DHX34: variants seen among roughly 807,000 people sequenced by gnomAD.
DHX34 encodes the protein probable ATP-dependent RNA helicase DHX34.
In DHX34, 96 loss-of-function variants were observed where a neutral mutation model predicts 111.1. The observed-to-expected ratio is 0.86, with a 90% CI of 0.73 to 1.02. The LOEUF (loss-of-function observed/expected upper bound fraction) is 1.02. Ranked by LOEUF, DHX34 falls within the 50% of genes least tolerant of loss-of-function variation. The pLI is 0.00. For synonymous variants in DHX34, 688 were observed against 670.4 expected (o/e 1.03, Z -0.41); for missense variants, 1,560 against 1,579.9 (o/e 0.99, Z 0.21).
intron 14 of DHX34, 39 bp downstream of exon 14, chr19:47,380,024 GA>G: frequency 6.5e-7 from 1 of 1,541,528 alleles, no homozygotes; most frequent in South Asian, 1.2e-5. Flanking sequence ...CCTATGGCCA[GA>G]AGGGGCATCC....
intron 12 of DHX34, 121 bp from the exon 13 acceptor site, chr19:47,376,979 A>G: frequency 6.4e-7 from 1 of 1,557,854 alleles, no homozygotes. Context: ...CCAGGCCACC[A>G]AAGCCATGCC....
In DHX34 at chr19:47,352,940, C is replaced by T; in HGVS notation, c.-91C>T. ...AGAGAAAGTAGTTCTCTATTGCAGG[C>T]ACTGGCCTCTTAAATTGTTGCAGGT... On this transcript the variant is annotated 5_prime_UTR_variant, in exon 2 of 17. Transcript: ENST00000328771. 1.3e-6 allele frequency: 2 copies of T among 1,486,152 alleles called. No individual in the cohort carries two copies. The highest frequency in any genetic ancestry group is 1.8e-6 in the Non-Finnish European group (2 of 1,117,342). The allele number at this position is 1,486,152 out of a possible 1,614,324, so 92.1% of individuals were successfully genotyped here.
At chr19:47,359,721 G>A (rs765048279) in intron 4 of DHX34, 88 of 382,448 alleles carry the variant, frequency 2.3e-4, no homozygotes, top group South Asian at 4.3e-4. Context: ...GGCAGAGGTT[G>A]CAGTGAGCCG....
At chr19:47,358,214 T>C (rs2122234694) in intron 4 of DHX34, 94 bp downstream of exon 4, 1 of 1,491,516 alleles carries the variant, frequency 6.7e-7, no homozygotes. Context: ...AACACAGGGC[T>C]CGGGGGCTGT....
chr19:47,373,616 C>G lies in DHX34; in HGVS notation c.1980C>G (p.Ser660Arg), dbSNP rs1374086488. 4 of 1,613,736 alleles carry G rather than the reference C, an allele frequency of 2.5e-6. No individual in the cohort carries two copies. The Admixed American group carries it at 6.7e-5, about 27-fold the overall frequency. Residue 660 changes from serine to arginine, a missense_variant, in exon 9 of 17, where the codon AGC (serine) becomes AGG (arginine). Physicochemically the swap from Ser to Arg is moderately radical, Grantham distance 110. Coordinates refer to ENST00000328771, the MANE Select transcript of DHX34 (RefSeq NM_014681.6). ...CCACCCAGGTGAAATCTGAACGGAG[C>G]AGAAACTCTCGCAAGTGGTGCCGCC... Reference protein sequence around the residue: ...NAWVQVKSERSRNSRKWCRRR... With the variant: ...NAWVQVKSERRRNSRKWCRRR...
intron 9 of DHX34, among the ~76,000 whole-genome samples, chr19:47,374,000 C>T (rs541827726): frequency 6.6e-6 from 1 of 152,270 alleles, no homozygotes; most frequent in African/African-American, 2.4e-5. Flanking sequence ...TTGGAGGCAG[C>T]CTACGGTTGT....
intron 1 of DHX34, among the ~76,000 whole-genome samples, chr19:47,351,203 G>C (rs1231289651): frequency 1.8e-5 from 2 of 110,562 alleles, no homozygotes; most frequent in Non-Finnish European, 3.4e-5. Flanking sequence ...TTTTGAGACA[G>C]AGTCTCGCTC....
chr19:47,377,231 C>G, intron 13 of DHX34, 25 bp downstream of exon 13: 2 of 1,600,978 alleles, frequency 1.2e-6, no homozygotes, highest in Non-Finnish European at 1.7e-6. Context: ...CACCCCGCCC[C>G]CATGCCCAGA....
rs760192913 is a variant in DHX34 at position 47,376,504 on chromosome 19, G to A, written c.2543G>A (p.Ser848Asn). The A allele has an allele frequency of 6.2e-7, 1 of 1,600,102 alleles. No homozygotes were observed. Among genetic ancestry groups the A allele is most frequent in the African/African-American group, 1.3e-5 (1 of 74,636 alleles). Residue 848 changes from serine (S) to asparagine (N), a missense_variant, in exon 12 of 17, where the codon AGC becomes AAC. Transcript: ENST00000328771. ...VLHPTCVFAG[S>N]PEVLHAQELE... ...CACCCCACCTGCGTCTTCGCTGGCA[G>A]CCCCGAGGTGCTGCACGCACAGGAG...
rs748774016 is a variant in DHX34 at position 47,381,441 on chromosome 19, G to A, written c.3298+117G>A. The A allele has an allele frequency of 1.6e-5, 22 of 1,397,556 alleles. No homozygotes were observed. The Middle Eastern group carries it at 1.7e-3, about 110-fold the overall frequency. The allele number at this position is 1,397,556 out of a possible 1,614,324, so 86.6% of individuals were successfully genotyped here. A position where few individuals can be genotyped will look rare whatever the true frequency, so the allele number is the denominator to read the frequency against. On this transcript the variant is annotated intron_variant, in intron 16 of 16. Transcript: ENST00000328771. ...CTTCGAGGACTGACGACCTCCACCC[G>A]CTGGCCCTGGCTGGTGCCACACACA...
At chr19:47,381,504 A>G in intron 16 of DHX34, 180 bp downstream of exon 16, 1 of 882,618 alleles carries the variant, frequency 1.1e-6, no homozygotes, top group Non-Finnish European at 1.7e-6. Flanking sequence ...AGGCAGGGAG[A>G]GCCTGGAGCG....
rs1599780507 is a variant in DHX34, at chr19:47,380,914, T to C, written c.3081T>C (p.Phe1027=). 6.2e-7 allele frequency: 1 copy of C among 1,612,644 alleles called. No homozygotes were observed. The highest frequency in any genetic ancestry group is 1.3e-5 in the African/African-American group (1 of 74,752). ...IPATPHLPGL[F]GSSTLSPHPT... is the part of the protein sequence containing the mutation. The stretch of plus-strand genomic sequence containing the variant: ...CCACCCCCCATCTTCCTGGCCTCTT[T>C]GGCAGCTCCACCCTGTCCCCCCACC... Residue 1027 remains phenylalanine, a synonymous_variant, in exon 15 of 17, where the codon TTT becomes TTC. Coordinates refer to ENST00000328771, the MANE Select transcript of DHX34 (RefSeq NM_014681.6).
intron 14 of DHX34, 86 bp from the exon 15 acceptor site, chr19:47,380,730 A>C (rs1037479108): frequency 6.4e-7 from 1 of 1,572,946 alleles, no homozygotes; most frequent in African/African-American, 1.4e-5. Flanking sequence ...AGCCCGAGGG[A>C]GGGCTTCAGG....
chr19:47,362,712 G>T lies in DHX34; in HGVS notation c.1593+19G>T. The T allele has an allele frequency of 6.2e-7, 1 of 1,600,332 alleles. No individual in the cohort carries two copies. The highest frequency in any genetic ancestry group is 8.5e-7 in the Non-Finnish European group (1 of 1,174,430). On this transcript the variant is annotated intron_variant, in intron 6 of 16. Transcript: ENST00000328771. The stretch of plus-strand genomic sequence containing the variant: ...GCTGCAGGTGAGGCATGGGCAGAAA[G>T]GGGACTATATCCTAACTGCTGGCAC...
chr19:47,356,653 AAG>A (rs902548725), intron 3 of DHX34, among the ~76,000 whole-genome samples: 3 of 150,656 alleles, frequency 2.0e-5, no homozygotes, highest in Admixed American at 1.3e-4. Flanking sequence ...AAAGAAAAGA[AAG>A]AGAGAGAGAG....
intron 1 of DHX34, among the ~76,000 whole-genome samples, chr19:47,351,179 T>TC (rs1470332612): frequency 8.7e-6 from 1 of 114,604 alleles, no homozygotes; most frequent in Non-Finnish European, 1.8e-5. Flanking sequence ...TTCTTTTTTT[T>TC]TTTTTTTTTT....
At chr19:47,374,447 A>AG (rs1281243825) in intron 9 of DHX34, among the ~76,000 whole-genome samples, 1 of 151,712 alleles carries the variant, frequency 6.6e-6, no homozygotes, top group Non-Finnish European at 1.5e-5. Flanking sequence ...AAAAAAAAAA[A>AG]AAAAAAAAGA....
chr19:47,376,045 C>T lies in DHX34; in HGVS notation c.2429C>T (p.Pro810Leu). 6.3e-7 allele frequency: 1 copy of T among 1,595,380 alleles called. No homozygotes were observed. Among genetic ancestry groups the T allele is most frequent in the Non-Finnish European group, 8.5e-7 (1 of 1,171,210 alleles). Residue 810 changes from proline to leucine, a missense_variant, in exon 11 of 17, where the codon CCA (proline) becomes CTA (leucine). Pro to Leu is a moderately conservative substitution (Grantham distance 98). Coordinates refer to ENST00000328771, the MANE Select transcript of DHX34 (RefSeq NM_014681.6). ...LKLVLGRGLY[P>L]QLAVPDAFNS... is the part of the protein sequence containing the mutation. ...CTGGTGCTGGGCCGGGGCCTGTACCCACAGCTGGCCGTCCCCGACGCCTTC... is the reference window on the plus strand; with the variant it reads ...CTGGTGCTGGGCCGGGGCCTGTACCTACAGCTGGCCGTCCCCGACGCCTTC...
At chr19:47,358,260 C>A (rs1969521527) in intron 4 of DHX34, 140 bp downstream of exon 4, 9 of 1,429,268 alleles carry the variant, frequency 6.3e-6, no homozygotes, top group African/African-American at 1.4e-5. Flanking sequence ...GTGGCAGAGC[C>A]AGGCTGCGAA....
Sources: allele counts gnomAD v4.1 joint callset (sites outside exome capture counted in the v4.1 genomes callset), GRCh38; gene constraint gnomAD v4.1.1; transcripts MANE v1.5; gene names NCBI Gene and HGNC (gene_info 2026-07-23, HGNC 2026-07-21).